The following NAV1 variants were observed in gnomAD, a reference collection of about 807,000 sequenced individuals.
NAV1 encodes the protein pore membrane and/or filament interacting like protein 3.
NAV1 carries 18 observed loss-of-function variants against 175.2 expected under a neutral mutation model. The ratio of observed to expected loss-of-function variants is 0.10; its 90% CI spans 0.07 to 0.15. The LOEUF (loss-of-function observed/expected upper bound fraction) is 0.15. NAV1 is among the 10% of genes least tolerant of loss of function. The pLI, the probability that NAV1 is intolerant of heterozygous loss-of-function variation, is 1.00. For synonymous variants in NAV1, 897 were observed against 978.7 expected (o/e 0.92, Z 1.56); for missense variants, 1,731 against 2,436.6 (o/e 0.71, Z 6.10).
chr1:201,702,716 C>G (rs1263000341), intron 1 of NAV1, among the ~76,000 whole-genome samples: 1 of 151,608 alleles, frequency 6.6e-6, no homozygotes, highest in Non-Finnish European at 1.5e-5. Flanking sequence ...CTCTCTCTCT[C>G]TCTCTCTCTC....
chr1:201,630,167 G>C (rs1378679869), intron 2 of NAV1, among the ~76,000 whole-genome samples: 3 of 152,210 alleles, frequency 2.0e-5, no homozygotes, highest in South Asian at 2.1e-4. Flanking sequence ...AAGTGGGTCA[G>C]ATTCAAAACT....
At chr1:201,652,999 A>G (rs1385112734) in intron 1 of NAV1, among the ~76,000 whole-genome samples, 2 of 152,230 alleles carry the variant, frequency 1.3e-5, no homozygotes, top group Admixed American at 1.3e-4. Context: ...ATTTCATAAT[A>G]AAGTTGCATA....
intron 2 of NAV1, among the ~76,000 whole-genome samples, chr1:201,605,229 C>A (rs663150): frequency 0.1 from 15,712 of 150,788 alleles, 903 homozygotes; most frequent in East Asian, 0.14. Context: ...CCTTCCCTCT[C>A]CATCCTCTCT....
intron 1 of NAV1, among the ~76,000 whole-genome samples, chr1:201,567,700 T>A (rs191144984): frequency 6.6e-6 from 1 of 152,140 alleles, no homozygotes; most frequent in Admixed American, 6.5e-5. Context: ...CTGCCGCTGC[T>A]TTGTGGAGGA....
rs184981637 is a variant in NAV1 at position 201,777,473 on chromosome 1, G to C, written c.1227-2948G>C. 3.0e-3 allele frequency among the ~76,000 whole-genome samples: 450 copies of C among 151,484 alleles called. 1 individual carries two copies. Among genetic ancestry groups the C allele is most frequent in the Non-Finnish European group, 4.9e-3 (330 of 67,932 alleles). On this transcript the variant is annotated intron_variant, in intron 3 of 29. Coordinates refer to ENST00000367296, the Ensembl canonical transcript of NAV1. ...ATGTACTATTTCTTTTGTTTTGTTTGTAGTGACAGAGGTCTTGCTTTGTTG... is the reference window on the plus strand; with the variant it reads ...ATGTACTATTTCTTTTGTTTTGTTTCTAGTGACAGAGGTCTTGCTTTGTTG...
chr1:201,540,497 T>C lies in NAV1; in HGVS notation c.-144+1155T>C, dbSNP rs191007672. ...CTACATGAAGTCCCCGGCAACTCAC[T>C]TGTAATGGGACTGGAGACTTCGCAA... On this transcript the variant is annotated intron_variant, in intron 1 of 33. Coordinates refer to the NAV1 transcript ENST00000685211. Among the ~76,000 whole-genome samples the C allele has an allele frequency of 4.6e-5, 7 of 152,300 alleles. No homozygotes were observed. In the East Asian group the frequency reaches 1.4e-3, roughly 29 times the overall value.
intron 3 of NAV1, among the ~76,000 whole-genome samples, chr1:201,747,173 T>A (rs1022996760): frequency 6.6e-6 from 1 of 152,168 alleles, no homozygotes; most frequent in East Asian, 1.9e-4. Context: ...TCCCACTCTG[T>A]CATCTTCACC....
chr1:201,586,545 G>T (rs1667032299), intron 1 of NAV1, among the ~76,000 whole-genome samples: 1 of 152,086 alleles, frequency 6.6e-6, no homozygotes, highest in African/African-American at 2.4e-5. Flanking sequence ...GGCTCAGGTT[G>T]GTGCCTGGTG....
At chr1:201,681,866 G>A (rs1670479477) in intron 1 of NAV1, among the ~76,000 whole-genome samples, 1 of 152,100 alleles carries the variant, frequency 6.6e-6, no homozygotes, top group Non-Finnish European at 1.5e-5. Context: ...TATAATCCTA[G>A]CACTTTGGGA....
At chr1:201,774,963 A>G (rs2102685943) in intron 3 of NAV1, among the ~76,000 whole-genome samples, 1 of 152,302 alleles carries the variant, frequency 6.6e-6, no homozygotes, top group East Asian at 1.9e-4. Context: ...CAGTGGAGGA[A>G]GTGGGGCAGC....
exon 1 of NAV1, chr1:201,649,200 C>A: frequency 6.2e-7 from 1 of 1,612,870 alleles, no homozygotes; most frequent in Non-Finnish European, 8.5e-7. Flanking sequence ...CCCTCGAGGA[C>A]CCTATGCGGA....
In NAV1 at chr1:201,811,734, C is replaced by T. The variant is rs370585071; in HGVS notation, c.4929C>T (p.Ala1643=). ...CCATCAGTGAGTTGGTCAATGGGGCCCTCACCTGCAAGTATCATAAATGGT... is the reference window on the plus strand; with the variant it reads ...CCATCAGTGAGTTGGTCAATGGGGCTCTCACCTGCAAGTATCATAAATGGT... Residue 1643 remains alanine (A), a synonymous_variant, in exon 25 of 30, where the codon GCC becomes GCT. Transcript: ENST00000367296. The T allele has an allele frequency of 1.1e-5, 17 of 1,607,770 alleles. No individual in the cohort carries two copies. In the African/African-American group the frequency reaches 2.0e-4, roughly 19 times the overall value.
At chr1:201,781,854 C>T (rs1676347305) in intron 5 of NAV1, among the ~76,000 whole-genome samples, 1 of 151,986 alleles carries the variant, frequency 6.6e-6, no homozygotes, top group South Asian at 2.1e-4. Context: ...GCTTCCCCAC[C>T]TTTTTTTTCC....
In NAV1 at chr1:201,725,168, G is replaced by C. The variant is rs142952464; in HGVS notation, c.1226+6413G>C. Among the ~76,000 whole-genome samples, 842 of 152,332 alleles carry C rather than the reference G, an allele frequency of 5.5e-3. 9 individuals are homozygous for C. Among genetic ancestry groups the C allele is most frequent in the African/African-American group, 0.019 (794 of 41,572 alleles). On this transcript the variant is annotated intron_variant, in intron 3 of 29. Coordinates refer to ENST00000367296, the Ensembl canonical transcript of NAV1. ...TCATCGATAAGAATTCTCTTGCAAT[G>C]AGCACTGGGTTTATGTGGTTTGTAC...
intron 1 of NAV1, among the ~76,000 whole-genome samples, chr1:201,562,790 G>A (rs1364275690): frequency 6.6e-6 from 1 of 152,110 alleles, no homozygotes; most frequent in Non-Finnish European, 1.5e-5. Context: ...GGATGGAAGG[G>A]AGCAGGCAGG....
intron 2 of NAV1, among the ~76,000 whole-genome samples, chr1:201,717,239 CAGAGCAG>C (rs1409515252): frequency 6.6e-6 from 1 of 152,246 alleles, no homozygotes; most frequent in African/African-American, 2.4e-5. Context: ...GATGTGTTCA[CAGAGCAG>C]TGATTGCTTG....
At position 201,810,044 on chromosome 1, in the gene NAV1, A is replaced by C; in HGVS notation, c.4500A>C (p.Ala1500=). The C allele has an allele frequency of 6.2e-7, 1 of 1,614,036 alleles. No homozygotes were observed. ...GCCACGTGAAACGAGTGTTGGATGC[A>C]GAGCCCCCCGAGATGCCTCCTTGCC... The change falls in exon 23 of 30, where the codon GCA becomes GCC. Residue 1500 remains alanine (A), a synonymous_variant. Coordinates refer to ENST00000367296, the Ensembl canonical transcript of NAV1. The surrounding 1 kb of genome is among the most constrained non-coding windows in gnomAD (Gnocchi z 6.0).
intron 1 of NAV1, among the ~76,000 whole-genome samples, chr1:201,579,133 CAA>C (rs796850977): frequency 7.1e-6 from 1 of 141,474 alleles, no homozygotes; most frequent in Admixed American, 7.1e-5. Flanking sequence ...AACTCAGTCT[CAA>C]AAAAAAAAAA....
chr1:201,554,699 A>G (rs1244800367), intron 1 of NAV1, among the ~76,000 whole-genome samples: 1 of 152,186 alleles, frequency 6.6e-6, no homozygotes, highest in African/African-American at 2.4e-5. Context: ...ACCTTTTGGC[A>G]TATAACCTGG....
Sources: allele counts gnomAD v4.1 joint callset (sites outside exome capture counted in the v4.1 genomes callset), GRCh38; gene constraint gnomAD v4.1.1; non-coding constraint Gnocchi (gnomAD v3.1); transcripts MANE v1.5; gene names NCBI Gene and HGNC (gene_info 2026-07-23, HGNC 2026-07-21).